Variants in NKIRAS1 observed in about 807,000 individuals in gnomAD.
NKIRAS1 encodes the protein NF-kappa-B inhibitor-interacting Ras-like protein 1.
NKIRAS1 carries 16 observed loss-of-function variants against 19.8 expected under a neutral mutation model. The ratio of observed to expected loss-of-function variants is 0.81; its 90% CI spans 0.55 to 1.23. NKIRAS1 has a LOEUF of 1.23. Ranked by LOEUF, NKIRAS1 falls within the 50% of genes most tolerant of loss-of-function variation. The pLI is 0.00. For synonymous variants in NKIRAS1, 88 were observed against 79.0 expected, an observed-to-expected ratio of 1.11 and a Z score of -0.61; for missense variants, 184 against 220.0, an observed-to-expected ratio of 0.84 and a Z score of 1.04.
chr3:23,892,989 C>A lies in NKIRAS1; in HGVS notation c.*106G>T. The A allele has an allele frequency of 8.1e-7, 1 of 1,228,778 alleles. No homozygotes were observed. Among genetic ancestry groups the A allele is most frequent in the Non-Finnish European group, 1.1e-6 (1 of 917,536 alleles). The allele number at this position is 1,228,778 out of a possible 1,614,324, so 76.1% of individuals were successfully genotyped here. ...CTTCCTTAGGAATTTTCCTAAGGAC[C>A]AAAGGTAGATACAAATGGCCTATTT... On this transcript the variant is annotated 3_prime_UTR_variant, in exon 5 of 5. Transcript: ENST00000425478.
chr3:23,944,989 G>C (rs925995057), intron 1 of NKIRAS1, among the ~76,000 whole-genome samples: 2 of 152,016 alleles, frequency 1.3e-5, no homozygotes, highest in African/African-American at 4.8e-5. Context: ...CTCCCGGCCA[G>C]AGGCGGGAAA....
In NKIRAS1 at chr3:23,937,703, T is replaced by A. The variant is rs574942181; in HGVS notation, c.-140+8620A>T. 8.2e-4 allele frequency among the ~76,000 whole-genome samples: 125 copies of A among 152,302 alleles called. 2 individuals carry two copies. The highest frequency in any genetic ancestry group is 2.8e-3 in the African/African-American group (118 of 41,578). On this transcript the variant is annotated intron_variant, in intron 1 of 4. Coordinates refer to the NKIRAS1 transcript ENST00000421515. The stretch of plus-strand genomic sequence containing the variant: ...TTTTCTTATTTTCTTTCTTACTTTT[T>A]AAAAAATATCTGTTTAGTATGTTAT...
chr3:23,920,527 C>G (rs1410756618), upstream of NKIRAS1: 2 of 985,166 alleles, frequency 2.0e-6, no homozygotes, highest in African/African-American at 3.5e-5. Context: ...TCTGTTTGCA[C>G]CATGTCTTCC....
At position 23,926,972 on chromosome 3, in the gene NKIRAS1, C is replaced by CA. The variant is rs1220023094; in HGVS notation, c.-139-15523dup. Among the ~76,000 whole-genome samples, 17 of 152,120 alleles carry CA rather than the reference C, an allele frequency of 1.1e-4. No individual in the cohort carries two copies. Among genetic ancestry groups the CA allele is most frequent in the Non-Finnish European group, 2.4e-4 (16 of 68,032 alleles). ...GCTACACTTTGACCATCAGCTGCCCCAAACAGGATGAAATCCATGTCGCAG... is the reference window on the plus strand; with the variant it reads ...GCTACACTTTGACCATCAGCTGCCCCAAAACAGGATGAAATCCATGTCGCAG... On this transcript the variant is annotated intron_variant, in intron 1 of 4. Coordinates refer to the NKIRAS1 transcript ENST00000421515. The surrounding 1 kb of genome is among the most constrained non-coding windows in gnomAD (Gnocchi z 4.3).
upstream of NKIRAS1, chr3:23,918,310 T>A (rs1704805440): frequency 8.8e-7 from 1 of 1,133,234 alleles, no homozygotes; most frequent in Non-Finnish European, 1.2e-6. Context: ...GGATGTGTTT[T>A]ATTTTTTTCT....
upstream of NKIRAS1, chr3:23,919,784 GGA>G (rs1704970996): frequency 8.9e-7 from 1 of 1,117,676 alleles, no homozygotes; most frequent in African/African-American, 1.6e-5. Context: ...TTCTTTAAAA[GGA>G]GAGAACTGAA....
chr3:23,946,184 C>T (rs1388072243), intron 1 of NKIRAS1: 2 of 985,206 alleles, frequency 2.0e-6, no homozygotes, highest in African/African-American at 1.7e-5. Flanking sequence ...GCTGAGCCCC[C>T]GCGGCGGGGC....
chr3:23,937,965 A>G (rs576380645), intron 1 of NKIRAS1, among the ~76,000 whole-genome samples: 105 of 152,308 alleles, frequency 6.9e-4, no homozygotes, highest in African/African-American at 2.5e-3. Flanking sequence ...AGACAATAAG[A>G]GACTCAGAAT....
intron 1 of NKIRAS1, among the ~76,000 whole-genome samples, chr3:23,928,958 C>T (rs1229266288): frequency 1.3e-5 from 2 of 149,908 alleles, no homozygotes; most frequent in Non-Finnish European, 1.5e-5. Flanking sequence ...GATCGTGCCA[C>T]TGCGCTCCAG....
intron 1 of NKIRAS1, among the ~76,000 whole-genome samples, chr3:23,943,120 A>G (rs902392992): frequency 6.6e-6 from 1 of 152,146 alleles, no homozygotes; most frequent in African/African-American, 2.4e-5. Context: ...ATTCACCATT[A>G]TAGTATCATA....
Position 23,910,906 on chromosome 3 carries a change from T to G in NKIRAS1, c.-2A>C, listed in dbSNP as rs2125417200. 1.9e-6 allele frequency: 3 copies of G among 1,613,630 alleles called. No homozygotes were observed. The highest frequency in any genetic ancestry group is 2.5e-6 in the Non-Finnish European group (3 of 1,179,504). ...CACAACCTTGCAGCCCTTTCCCATC[T>G]TCTCTCAGGATATCACTGTGGAGAG... On this transcript the variant is annotated 5_prime_UTR_variant, in exon 3 of 5. Coordinates refer to ENST00000425478, the MANE Select transcript of NKIRAS1 (RefSeq NM_020345.4).
At chr3:23,895,638 AACAT>A (rs1316445097) in intron 4 of NKIRAS1, among the ~76,000 whole-genome samples, 3 of 152,182 alleles carry the variant, frequency 2.0e-5, no homozygotes, top group Non-Finnish European at 4.4e-5. Context: ...GCTGGAGAAA[AACAT>A]ACAACCCTGC....
intron 1 of NKIRAS1, among the ~76,000 whole-genome samples, chr3:23,932,011 G>C (rs1270742527): frequency 6.6e-6 from 1 of 152,176 alleles, no homozygotes; most frequent in African/African-American, 2.4e-5. Context: ...ACTTTTGTAA[G>C]CTATACTACC....
intron 1 of NKIRAS1, among the ~76,000 whole-genome samples, chr3:23,932,017 C>G (rs969174307): frequency 2.6e-5 from 4 of 152,216 alleles, no homozygotes; most frequent in African/African-American, 9.6e-5. Flanking sequence ...GTAAGCTATA[C>G]TACCCCAAAA....
upstream of NKIRAS1, chr3:23,918,116 CAG>C (rs1704775950): frequency 1.3e-6 from 2 of 1,486,948 alleles, no homozygotes; most frequent in Middle Eastern, 2.0e-4. Flanking sequence ...ACTGCTGCCT[CAG>C]TGTCTTTCTT....
intron 4 of NKIRAS1, among the ~76,000 whole-genome samples, chr3:23,898,561 G>A (rs1043562219): frequency 2.0e-5 from 3 of 151,508 alleles, no homozygotes; most frequent in Non-Finnish European, 2.9e-5. Flanking sequence ...CTCCTGCCTC[G>A]GCCTCCTGAG....
At chr3:23,920,282 C>CT (rs1403995582), upstream of NKIRAS1, 11 of 985,768 alleles carry the variant, frequency 1.1e-5, no homozygotes, top group Admixed American at 3.1e-4. Context: ...AAGTAGTTGG[C>CT]TATAAGTACG....
At chr3:23,905,569 C>T (rs1324949119) in intron 3 of NKIRAS1, among the ~76,000 whole-genome samples, 1 of 151,898 alleles carries the variant, frequency 6.6e-6, no homozygotes, top group South Asian at 2.1e-4. Context: ...TTTGAGGAGA[C>T]CCTCCATAAA....
intron 4 of NKIRAS1, among the ~76,000 whole-genome samples, chr3:23,893,612 C>T (rs1017739488): frequency 2.0e-5 from 3 of 151,778 alleles, no homozygotes; most frequent in African/African-American, 7.3e-5. Context: ...TTCAAGACCA[C>T]CCTGGCCAAC....
Sources: allele counts gnomAD v4.1 joint callset (sites outside exome capture counted in the v4.1 genomes callset), GRCh38; gene constraint gnomAD v4.1.1; non-coding constraint Gnocchi (gnomAD v3.1); transcripts MANE v1.5; gene names NCBI Gene and HGNC (gene_info 2026-07-23, HGNC 2026-07-21).